RAB38: variants seen among roughly 807,000 people sequenced by gnomAD.
RAB38 encodes the protein ras-related protein Rab-38.
Under a neutral mutation model 18.4 loss-of-function variants are expected in RAB38, and 15 were observed. The observed-to-expected ratio is 0.82, with a 90% confidence interval of 0.55 to 1.26. RAB38 has a LOEUF of 1.26. Among genes scored for constraint, RAB38 ranks in the 50% most tolerant of loss-of-function variants. RAB38 has a pLI of 0.00. For missense variants in RAB38, 294 were observed against 267.4 expected (o/e 1.10, Z -0.69); for synonymous variants, 101 against 104.4 (o/e 0.97, Z 0.20).
the RAB38 span, among the ~76,000 whole-genome samples, chr11:88,052,539 G>C: frequency 0.48 from 73,119 of 151,802 alleles, 18,942 homozygotes; most frequent in South Asian, 0.63. Flanking sequence ...CTTAGGTCTT[G>C]TTCATATGCT....
intron 2 of RAB38, among the ~76,000 whole-genome samples, chr11:88,129,806 G>T (rs1942745456): frequency 6.6e-6 from 1 of 152,054 alleles, no homozygotes; most frequent in African/African-American, 2.4e-5. Context: ...GAACAAAAAT[G>T]TTAACAGTTA....
At chr11:87,909,896 CAT>C in the RAB38 span, among the ~76,000 whole-genome samples, 12 of 152,002 alleles carry the variant, frequency 7.9e-5, no homozygotes, top group African/African-American at 2.4e-4. Context: ...TTTATATAAA[CAT>C]ATGCATTAAT....
the RAB38 span, among the ~76,000 whole-genome samples, chr11:87,948,451 A>G: frequency 6.6e-6 from 1 of 151,812 alleles, no homozygotes; most frequent in Non-Finnish European, 1.5e-5. Context: ...GAGTGGTGAG[A>G]GAGGGCATCC....
chr11:87,893,387 TA>T, the RAB38 span, among the ~76,000 whole-genome samples: 205 of 46,060 alleles, frequency 4.5e-3, 1 homozygote, highest in African/African-American at 8.8e-3. Context: ...TATATATATA[TA>T]TATTTTTTTT....
chr11:87,806,699 T>A, the RAB38 span, among the ~76,000 whole-genome samples: 32 of 152,230 alleles, frequency 2.1e-4, no homozygotes, highest in African/African-American at 6.0e-4. Context: ...GAAAAAAATA[T>A]TTATGACAGT....
the RAB38 span, among the ~76,000 whole-genome samples, chr11:87,817,833 T>C: frequency 6.6e-6 from 1 of 152,158 alleles, no homozygotes; most frequent in Non-Finnish European, 1.5e-5. Flanking sequence ...TATGAAGTAA[T>C]TGATCATCTC....
rs1943355512 is a variant in RAB38, at chr11:88,174,629, AAAAAAAAAAAAAC to A, written c.202+541_202+553del. On this transcript the variant is annotated intron_variant, in intron 1 of 2. Transcript: ENST00000243662. Reference sequence around the variant, plus strand: ...TACTGTAAGCAAAAAGCAAAAAAAAAAAAAAAAAAAAACAAAACAAAAACCCTCAAACTCCTTT... The same window carrying A: ...TACTGTAAGCAAAAAGCAAAAAAAAAAAAACAAAAACCCTCAAACTCCTTT... Among the ~76,000 whole-genome samples, 5 of 148,212 alleles carry A rather than the reference AAAAAAAAAAAAAC, an allele frequency of 3.4e-5. No homozygotes were observed. In the South Asian group the frequency reaches 1.1e-3, roughly 32 times the overall value.
the RAB38 span, among the ~76,000 whole-genome samples, chr11:87,851,086 C>T: frequency 7.2e-5 from 11 of 152,166 alleles, no homozygotes; most frequent in Admixed American, 1.3e-4. Context: ...TGTCCCTTGG[C>T]CTTCCCTTTG....
chr11:88,082,851 T>A, the RAB38 span, among the ~76,000 whole-genome samples: 1 of 151,936 alleles, frequency 6.6e-6, no homozygotes, highest in Non-Finnish European at 1.5e-5. Context: ...TTTTAAGACA[T>A]AAATCAGATT....
At position 88,175,230 on chromosome 11, in the gene RAB38, T is replaced by C; in HGVS notation, c.155A>G (p.His52Arg). 3 of 1,613,954 alleles carry C rather than the reference T, an allele frequency of 1.9e-6. No homozygotes were observed. The highest frequency in any genetic ancestry group is 2.5e-6 in the Non-Finnish European group (3 of 1,179,954). ...GCGCACCACAGTCTCCGGGTCCCAGTGGAGCACCTTGAGCGCGAAGTCCAC... is the reference window on the plus strand; with the variant it reads ...GCGCACCACAGTCTCCGGGTCCCAGCGGAGCACCTTGAGCGCGAAGTCCAC... Reference protein sequence around the residue: ...IGVDFALKVLHWDPETVVRLQ... With the variant: ...IGVDFALKVLRWDPETVVRLQ... Residue 52 changes from histidine to arginine, a missense_variant, in exon 1 of 3, where the codon CAC becomes CGC. Transcript: ENST00000243662.
At chr11:88,041,364 C>T in the RAB38 span, among the ~76,000 whole-genome samples, 11 of 152,110 alleles carry the variant, frequency 7.2e-5, no homozygotes, top group South Asian at 2.1e-4. Flanking sequence ...TCTCTTTGCC[C>T]GGAAAGACCT....
the RAB38 span, among the ~76,000 whole-genome samples, chr11:87,868,337 C>A: frequency 1.3e-5 from 2 of 151,644 alleles, no homozygotes; most frequent in African/African-American, 4.8e-5. Flanking sequence ...AGCTCCTGTT[C>A]ACCTTCCAGC....
At chr11:87,843,286 T>A in the RAB38 span, among the ~76,000 whole-genome samples, 1 of 152,244 alleles carries the variant, frequency 6.6e-6, no homozygotes, top group Non-Finnish European at 1.5e-5. Context: ...TTTATCCTTA[T>A]ATAGACTTTT....
chr11:88,087,010 G>C, the RAB38 span, among the ~76,000 whole-genome samples: 4 of 151,894 alleles, frequency 2.6e-5, no homozygotes, highest in African/African-American at 9.7e-5. Flanking sequence ...ATAAGGAGGA[G>C]TCTTGTAATG....
the RAB38 span, among the ~76,000 whole-genome samples, chr11:87,841,322 A>G: frequency 4.6e-5 from 7 of 152,076 alleles, no homozygotes; most frequent in Non-Finnish European, 8.8e-5. Flanking sequence ...TGATGGTTTC[A>G]TGAGAGACTT....
chr11:88,045,418 C>T, the RAB38 span, among the ~76,000 whole-genome samples: 6 of 152,202 alleles, frequency 3.9e-5, no homozygotes, highest in Admixed American at 6.5e-5. Flanking sequence ...GCCTGAACTG[C>T]GGCGGCCAGG....
chr11:87,908,130 T>C, the RAB38 span, among the ~76,000 whole-genome samples: 1 of 151,922 alleles, frequency 6.6e-6, no homozygotes, highest in Non-Finnish European at 1.5e-5. Context: ...TCTGGCCATA[T>C]AGCAGTTCGG....
chr11:88,044,578 T>G, the RAB38 span, among the ~76,000 whole-genome samples: 1 of 152,160 alleles, frequency 6.6e-6, no homozygotes, highest in Non-Finnish European at 1.5e-5. Flanking sequence ...AAAATGCCAC[T>G]TTCAATTTTT....
At chr11:88,031,143 A>G in the RAB38 span, among the ~76,000 whole-genome samples, 1 of 152,066 alleles carries the variant, frequency 6.6e-6, no homozygotes, top group Non-Finnish European at 1.5e-5. Context: ...GATTATCTCA[A>G]TAGATGCAGA....
Sources: allele counts gnomAD v4.1 joint callset (sites outside exome capture counted in the v4.1 genomes callset), GRCh38; gene constraint gnomAD v4.1.1; transcripts MANE v1.5; gene names NCBI Gene and HGNC (gene_info 2026-07-23, HGNC 2026-07-21).